The following ANK2 variants were observed in gnomAD, a reference collection of about 807,000 sequenced individuals.
The protein encoded by ANK2 is ankyrin-2.
In ANK2, 83 loss-of-function variants were observed where a neutral mutation model predicts 360.5. That is an observed-to-expected ratio of 0.23 (90% confidence interval 0.19 to 0.28). The LOEUF is 0.28. Among genes scored for constraint, ANK2 ranks in the 10% least tolerant of loss-of-function variants. ANK2 has a pLI of 1.00. For synonymous variants in ANK2, 1,740 were observed against 1,759.5 expected, an observed-to-expected ratio of 0.99 and a Z score of 0.28; for missense variants, 4,201 against 4,795.7, an observed-to-expected ratio of 0.88 and a Z score of 3.66.
intron 1 of ANK2, among the ~76,000 whole-genome samples, chr4:113,168,904 A>G (rs1048980718): frequency 6.6e-6 from 1 of 152,206 alleles, no homozygotes; most frequent in Non-Finnish European, 1.5e-5. Flanking sequence ...AGTTCTCTGC[A>G]GCATCTTCAT....
chr4:113,133,797 T>C (rs1314732288), intron 1 of ANK2, among the ~76,000 whole-genome samples: 2 of 152,008 alleles, frequency 1.3e-5, no homozygotes, highest in African/African-American at 4.8e-5. Flanking sequence ...TTTTGTCCAA[T>C]GGAAAAAGTG....
At chr4:113,288,721 C>T (rs183907277) in intron 20 of ANK2, among the ~76,000 whole-genome samples, 24 of 152,212 alleles carry the variant, frequency 1.6e-4, no homozygotes, top group African/African-American at 5.8e-4. Context: ...TAGCTGACAT[C>T]GATTTAACAA....
Position 113,358,220 on chromosome 4 carries a change from A to T in ANK2, c.9602A>T (p.Asn3201Ile). 6.2e-7 allele frequency: 1 copy of T among 1,614,046 alleles called. No homozygotes were observed. The highest frequency in any genetic ancestry group is 8.5e-7 in the Non-Finnish European group (1 of 1,179,966). Residue 3201 changes from asparagine (N) to isoleucine (I), a missense_variant, in exon 38 of 46, where the codon AAC (asparagine) becomes ATC (isoleucine). Asn to Ile is a moderately radical substitution (Grantham distance 149). Transcript: ENST00000357077. Reference sequence around the variant, plus strand: ...ATACCTGCTTCGGATGCTCAACTTAACTCCCAAATGGGGATTTCAGCCTCC... The same window carrying T: ...ATACCTGCTTCGGATGCTCAACTTATCTCCCAAATGGGGATTTCAGCCTCC... The part of the protein sequence containing the change: ...EEIPASDAQL[N>I]SQMGISASTE...
rs2095615201 is a variant in ANK2 at position 113,354,440 on chromosome 4, C to A, written c.5822C>A (p.Pro1941His). The A allele has an allele frequency of 6.2e-7, 1 of 1,614,064 alleles. No homozygotes were observed. Among genetic ancestry groups the A allele is most frequent in the East Asian group, 2.2e-5 (1 of 44,870 alleles). ...ACAGAAAAACGCTTGCCTGTTTCAC[C>A]CTCCGGAAGAACGGACAAGCACCAA... ...GRTEKRLPVS[P>H]SGRTDKHQPV... Residue 1941 changes from proline (P) to histidine (H), a missense_variant, in exon 38 of 46, where the codon CCC becomes CAC. By Grantham distance (77) the Pro-to-His change is moderately conservative. Around this residue, in one of 4 missense-constraint regions of ANK2, gnomAD observed 2,642 missense variants for 2,714.5 expected, o/e 0.97. Coordinates refer to ENST00000357077, the MANE Select transcript of ANK2 (RefSeq NM_001148.6).
intron 1 of ANK2, among the ~76,000 whole-genome samples, chr4:112,876,519 A>T (rs774704871): frequency 6.6e-6 from 1 of 152,196 alleles, no homozygotes; most frequent in Non-Finnish European, 1.5e-5. Flanking sequence ...GGGCACAGGT[A>T]TAGGCTCTAA....
At chr4:112,791,678 A>T in the ANK2 span, among the ~76,000 whole-genome samples, 1 of 151,412 alleles carries the variant, frequency 6.6e-6, no homozygotes, top group Admixed American at 6.6e-5. Flanking sequence ...TTTTTAGTAG[A>T]GACGGGGTTT....
chr4:113,185,716 A>C (rs954527738), intron 2 of ANK2, among the ~76,000 whole-genome samples: 3 of 152,192 alleles, frequency 2.0e-5, no homozygotes, highest in African/African-American at 7.2e-5. Flanking sequence ...TAGTTTAATT[A>C]GATCCCATTT....
intron 1 of ANK2, among the ~76,000 whole-genome samples, chr4:113,169,961 C>G (rs1289106205): frequency 6.6e-6 from 1 of 152,018 alleles, no homozygotes. Flanking sequence ...CCTCAGAGTT[C>G]TGTATTTAGT....
rs780110299 is a variant in ANK2 at position 113,336,038 on chromosome 4, G to A, written c.3572G>A (p.Arg1191Gln). Residue 1191 changes from arginine (R) to glutamine (Q), a missense_variant, in exon 30 of 46, where the codon CGG (arginine) becomes CAG (glutamine). By Grantham distance (43) the Arg-to-Gln change is conservative (BLOSUM62 1). This residue lies in a region of ANK2 where 1,268 missense variants were observed against 1,650.8 expected (regional missense o/e 0.77). Coordinates refer to ENST00000357077, the MANE Select transcript of ANK2 (RefSeq NM_001148.6). ...AVFPEGALTK[R>Q]IRVGLQAQPM... ...TTCCCAGAGGGGGCACTCACCAAGC[G>A]GATCCGCGTAGGCCTGCAGGTATGC... 2.2e-5 allele frequency: 36 copies of A among 1,613,864 alleles called. No individual in the cohort carries two copies. The highest frequency in any genetic ancestry group is 2.7e-5 in the African/African-American group (2 of 74,898).
chr4:112,940,754 T>C (rs770975164), intron 2 of ANK2, among the ~76,000 whole-genome samples: 1 of 152,152 alleles, frequency 6.6e-6, no homozygotes, highest in Non-Finnish European at 1.5e-5. Flanking sequence ...ATCTGTAAAC[T>C]CTTTTTTGCA....
the ANK2 span, among the ~76,000 whole-genome samples, chr4:112,796,219 T>C: frequency 1.3e-5 from 2 of 150,728 alleles, no homozygotes; most frequent in Admixed American, 6.6e-5. Context: ...AGGTTGGGAG[T>C]TCAAGATCAG....
chr4:113,221,519 C>T (rs1286478793), intron 4 of ANK2, among the ~76,000 whole-genome samples: 1 of 151,944 alleles, frequency 6.6e-6, no homozygotes, highest in Non-Finnish European at 1.5e-5. Context: ...AATTAGCAGG[C>T]ATGGTGGCAC....
chr4:113,123,486 T>C (rs1562234132), intron 1 of ANK2, among the ~76,000 whole-genome samples: 1 of 152,280 alleles, frequency 6.6e-6, no homozygotes, highest in African/African-American at 2.4e-5. Context: ...TTTACAATAG[T>C]CTCAGTCACA....
intron 2 of ANK2, among the ~76,000 whole-genome samples, chr4:113,015,013 C>T (rs1369944967): frequency 6.6e-6 from 1 of 151,990 alleles, no homozygotes; most frequent in Non-Finnish European, 1.5e-5. Flanking sequence ...CGCCCGCCAC[C>T]ACGCCCGGCT....
Position 113,358,636 on chromosome 4 carries a change from G to T in ANK2, c.10018G>T (p.Asp3340Tyr). The change falls in exon 38 of 46, where the codon GAT (aspartate) becomes TAT (tyrosine). Residue 3340 changes from aspartate (D) to tyrosine (Y), a missense_variant. Asp to Tyr is a radical substitution (Grantham distance 160). Around this residue, in one of 4 missense-constraint regions of ANK2, gnomAD observed 2,642 missense variants for 2,714.5 expected, o/e 0.97. Coordinates refer to ENST00000357077, the MANE Select transcript of ANK2 (RefSeq NM_001148.6). ...CAGTGTAGATGAGGAAAATAAGGCG[G>T]ATGAAGCAAAACCAAAGTCCAAACT... The part of the protein sequence containing the change: ...LSSVDEENKA[D>Y]EAKPKSKLPV... 6.2e-7 allele frequency: 1 copy of T among 1,611,908 alleles called. No individual in the cohort carries two copies. The highest frequency in any genetic ancestry group is 8.5e-7 in the Non-Finnish European group (1 of 1,179,166).
At chr4:113,346,333 T>C (rs2094849011) in intron 35 of ANK2, among the ~76,000 whole-genome samples, 1 of 152,192 alleles carries the variant, frequency 6.6e-6, no homozygotes, top group Admixed American at 6.6e-5. Context: ...ATTTAACTTT[T>C]TGAAGAAATT....
At chr4:113,151,137 A>G (rs2097062714) in intron 1 of ANK2, 2 of 1,288,426 alleles carry the variant, frequency 1.6e-6, no homozygotes, top group East Asian at 5.6e-5. Context: ...GATGGAAGCA[A>G]AAAAACACTT....
intron 2 of ANK2, among the ~76,000 whole-genome samples, chr4:112,907,153 C>T (rs1561043158): frequency 6.6e-6 from 1 of 152,188 alleles, no homozygotes. Context: ...TCTTTCTGCT[C>T]TGCTAAGCAT....
At chr4:113,132,126 A>C (rs1213050344) in intron 1 of ANK2, among the ~76,000 whole-genome samples, 1 of 152,196 alleles carries the variant, frequency 6.6e-6, no homozygotes, top group East Asian at 1.9e-4. Flanking sequence ...GTGTAATGCC[A>C]CTTGATTAGA....
Sources: gnomAD v4.1 joint callset for allele counts (sites outside exome capture counted in the v4.1 genomes callset) on GRCh38, gnomAD v4.1.1 for gene constraint, gnomAD v4.1.1 regional missense constraint, MANE v1.5 for transcripts, NCBI Gene and HGNC (gene_info 2026-07-23, HGNC 2026-07-21) for gene names.